The following RBM26 variants were observed in gnomAD, a reference collection of about 807,000 sequenced individuals.
The protein encoded by RBM26 is RNA-binding protein 26.
Under a neutral mutation model 123.6 loss-of-function variants are expected in RBM26, and 30 were observed. That is an observed-to-expected ratio of 0.24 (90% CI 0.18 to 0.33). The LOEUF is 0.33. RBM26 is among the 10% of genes least tolerant of loss of function. RBM26 has a pLI of 1.00. For synonymous variants in RBM26, 400 were observed against 404.4 expected (o/e 0.99, Z 0.13); for missense variants, 947 against 1,203.6 (o/e 0.79, Z 3.15).
intron 1 of RBM26, among the ~76,000 whole-genome samples, chr13:79,379,152 A>G (rs924091490): frequency 3.3e-5 from 5 of 152,142 alleles, no homozygotes; most frequent in Non-Finnish European, 7.3e-5. Context: ...CAAAAAAAGA[A>G]AGTCTAGAAA....
chr13:79,363,821 T>G (rs1490921330), intron 9 of RBM26, among the ~76,000 whole-genome samples: 1 of 152,148 alleles, frequency 6.6e-6, no homozygotes, highest in East Asian at 1.9e-4. Context: ...TGTAGTAGCA[T>G]GTATTTACAG....
intron 1 of RBM26, among the ~76,000 whole-genome samples, chr13:79,402,706 C>T (rs2079154858): frequency 1.3e-5 from 2 of 152,134 alleles, no homozygotes. Flanking sequence ...CACAGGTCTC[C>T]AATCCCATCC....
intron 8 of RBM26, 91 bp from the exon 9 acceptor site, chr13:79,365,809 ACATATTAACAT>A (rs2075204089): frequency 4.4e-6 from 5 of 1,147,076 alleles, no homozygotes; most frequent in Non-Finnish European, 6.3e-6. Flanking sequence ...AAACAATATA[ACATATTAACAT>A]ATAACATGCT....
intron 3 of RBM26, among the ~76,000 whole-genome samples, chr13:79,373,659 TTTATATA>T (rs1471555347): frequency 2.8e-5 from 3 of 107,822 alleles, no homozygotes; most frequent in African/African-American, 3.6e-5. Context: ...TATTTATATA[TTTATATA>T]TTATATATTA....
rs552784436 is a variant in RBM26 at position 79,340,805 on chromosome 13, C to T, written c.2532+318G>A. Among the ~76,000 whole-genome samples the T allele has an allele frequency of 2.1e-4, 32 of 151,970 alleles. No homozygotes were observed. The East Asian group carries it at 6.2e-3, about 29-fold the overall frequency. On this transcript the variant is annotated intron_variant, in intron 18 of 21. Transcript: ENST00000438737. Reference sequence around the variant, plus strand: ...GCAAAGAATATCTCCATAAGAATACCTGAAAAGACTTTATTATAAGTTTTC... The same window carrying T: ...GCAAAGAATATCTCCATAAGAATACTTGAAAAGACTTTATTATAAGTTTTC...
intron 1 of RBM26, among the ~76,000 whole-genome samples, chr13:79,393,374 C>A (rs1391009075): frequency 2.0e-5 from 3 of 152,226 alleles, no homozygotes; most frequent in Non-Finnish European, 2.9e-5. Flanking sequence ...TACTTCCTTT[C>A]ATTCTTGCTG....
At chr13:79,358,655 A>AT (rs1202899378) in intron 10 of RBM26, among the ~76,000 whole-genome samples, 2 of 152,184 alleles carry the variant, frequency 1.3e-5, no homozygotes, top group African/African-American at 4.8e-5. Flanking sequence ...GGGTTCTGCC[A>AT]TATCATTTGT....
chr13:79,389,443 A>C (rs146023179), intron 1 of RBM26: 1 of 152,148 alleles, frequency 6.6e-6, no homozygotes, highest in East Asian at 1.9e-4. Flanking sequence ...GTTGTTAAAG[A>C]AAAAAAGAAA....
At chr13:79,332,256 T>C (rs1488795544) in intron 20 of RBM26, among the ~76,000 whole-genome samples, 20 of 152,212 alleles carry the variant, frequency 1.3e-4, no homozygotes, top group Admixed American at 1.3e-3. Flanking sequence ...ATTTTCAGTG[T>C]TAAAATTTCC....
intron 1 of RBM26, among the ~76,000 whole-genome samples, chr13:79,384,494 T>C (rs567429609): frequency 2.2e-4 from 33 of 152,254 alleles, no homozygotes; most frequent in African/African-American, 7.5e-4. Flanking sequence ...TGGCCTCAAG[T>C]GATCCTTCTT....
Position 79,319,464 on chromosome 13 carries a change from G to A in RBM26, c.*1157C>T. Reference sequence around the variant, plus strand: ...ATCCACTTAAAAAAATCACAGTATTGTTGCAAACATCAAAGATTTTTATAC... The same window carrying A: ...ATCCACTTAAAAAAATCACAGTATTATTGCAAACATCAAAGATTTTTATAC... On this transcript the variant is annotated 3_prime_UTR_variant, in exon 22 of 22. Transcript: ENST00000438737. The A allele has an allele frequency of 1.0e-6, 1 of 983,734 alleles. No homozygotes were observed. Among genetic ancestry groups the A allele is most frequent in the Non-Finnish European group, 1.2e-6 (1 of 828,736 alleles). 60.9% of individuals were successfully genotyped at this position (983,734 alleles called of 1,614,324 possible).
At position 79,371,916 on chromosome 13, in the gene RBM26, TTCC is replaced by T; in HGVS notation, c.339_341del (p.Glu115del). Reference sequence around the variant, plus strand: ...TTCTAGAAAACTTCTTCTCTCGCTCTTCCTCCTTAGTGATCTGATTAAAAAAAA... The same window carrying T: ...TTCTAGAAAACTTCTTCTCTCGCTCTTCCTTAGTGATCTGATTAAAAAAAA... On this transcript the variant is annotated inframe_deletion, in exon 4 of 22. Coordinates refer to ENST00000438737, the MANE Select transcript of RBM26 (RefSeq NM_001366735.2). 6.2e-7 allele frequency: 1 copy of T among 1,607,400 alleles called. No individual in the cohort carries two copies. The highest frequency in any genetic ancestry group is 8.5e-7 in the Non-Finnish European group (1 of 1,175,206).
Position 79,392,202 on chromosome 13 carries a change from TTATACAATAATACA to T in RBM26, c.72-13309_72-13296del, listed in dbSNP as rs1346384517. On this transcript the variant is annotated intron_variant, in intron 1 of 21. Transcript: ENST00000438737. ...TACATAATTATTATATAATTATATA[TTATACAATAATACA>T]TAATTATTATATAATTATATATTAT... Among the ~76,000 whole-genome samples the T allele has an allele frequency of 9.9e-5, 10 of 100,928 alleles. No homozygotes were observed. The Admixed American group carries it at 1.1e-3, about 11-fold the overall frequency. The allele number at this position is 100,928 out of a possible 152,430, so 66.2% of individuals were successfully genotyped here.
chr13:79,391,220 G>A lies in RBM26; in HGVS notation c.72-12313C>T, dbSNP rs80348013. On this transcript the variant is annotated intron_variant, in intron 1 of 21. Transcript: ENST00000438737. ...CAGTATGATTTGTAGCACGCATATA[G>A]TCAATTAGAGTTCATTAATTGACTG... 9.7e-4 allele frequency among the ~76,000 whole-genome samples: 148 copies of A among 152,264 alleles called. 1 individual carries two copies. The East Asian group carries it at 0.028, about 29-fold the overall frequency.
intron 3 of RBM26, chr13:79,376,925 T>C (rs1407414895): frequency 6.5e-6 from 1 of 152,960 alleles, no homozygotes; most frequent in Non-Finnish European, 1.5e-5. Context: ...TGAAACAATA[T>C]GGTCTACACT....
chr13:79,353,358 C>G (rs1401211588), intron 13 of RBM26, 134 bp from the exon 14 acceptor site: 5 of 438,020 alleles, frequency 1.1e-5, no homozygotes, highest in African/African-American at 1.0e-4. Context: ...AAACTTGGTC[C>G]TTCTTAAAAG....
chr13:79,341,739 T>C (rs1347084701), intron 17 of RBM26, among the ~76,000 whole-genome samples: 1 of 151,810 alleles, frequency 6.6e-6, no homozygotes, highest in East Asian at 1.9e-4. Flanking sequence ...GTTTTGCTTT[T>C]GAACCATGAG....
At chr13:79,344,348 T>A in intron 15 of RBM26, 26 bp from the exon 16 acceptor site, 1 of 1,457,018 alleles carries the variant, frequency 6.9e-7, no homozygotes, top group Non-Finnish European at 9.6e-7. Context: ...AAAAATATCA[T>A]TAGAATATTA....
intron 1 of RBM26, among the ~76,000 whole-genome samples, chr13:79,399,382 A>G (rs2078871350): frequency 6.6e-6 from 1 of 152,212 alleles, no homozygotes; most frequent in Non-Finnish European, 1.5e-5. Context: ...ATTAATAGTA[A>G]GCACTCAATA....
Sources: gnomAD v4.1 joint callset for allele counts (sites outside exome capture counted in the v4.1 genomes callset) on GRCh38, gnomAD v4.1.1 for gene constraint, MANE v1.5 for transcripts, NCBI Gene and HGNC (gene_info 2026-07-23, HGNC 2026-07-21) for gene names.